NCKAP5: variants seen among roughly 807,000 people sequenced by gnomAD.
NCKAP5 encodes nck-associated protein 5.
NCKAP5 carries 92 observed loss-of-function variants against 167.0 expected under a neutral mutation model. That is an observed-to-expected ratio of 0.55 (90% CI 0.47 to 0.66). The LOEUF is 0.66. NCKAP5 is among the 30% of genes least tolerant of loss of function. NCKAP5 has a pLI of 0.00. For synonymous variants in NCKAP5, 891 were observed against 877.4 expected, an observed-to-expected ratio of 1.02 and a Z score of -0.27; for missense variants, 2,378 against 2,315.0, an observed-to-expected ratio of 1.03 and a Z score of -0.56.
the NCKAP5 span, among the ~76,000 whole-genome samples, chr2:133,597,561 C>T: frequency 6.7e-6 from 1 of 149,198 alleles, no homozygotes. Flanking sequence ...CCCAGCTACT[C>T]GGGAGGCTGA....
intron 4 of NCKAP5, among the ~76,000 whole-genome samples, chr2:133,222,984 G>A (rs2086719761): frequency 6.6e-6 from 1 of 152,098 alleles, no homozygotes; most frequent in Non-Finnish European, 1.5e-5. Flanking sequence ...CCATTTTAAT[G>A]TGAATCAATG....
chr2:133,590,541 A>G, the NCKAP5 span, among the ~76,000 whole-genome samples: 355 of 151,338 alleles, frequency 2.3e-3, 1 homozygote, highest in Non-Finnish European at 4.0e-3. Context: ...AAAAAAAAAA[A>G]AAAAGAAAGT....
intron 5 of NCKAP5, among the ~76,000 whole-genome samples, chr2:133,163,142 A>G (rs564830224): frequency 6.6e-6 from 1 of 152,346 alleles, no homozygotes; most frequent in South Asian, 2.1e-4. Context: ...CACCCCAAAC[A>G]GTACTTTGAC....
At position 133,312,301 on chromosome 2, in the gene NCKAP5, G is replaced by A. The variant is rs543693795; in HGVS notation, c.70-9191C>T. ...TAATGCCGATCAGACTATGAGTACA[G>A]CTTAGCAGATCTTCAGAGTAAAACA... On this transcript the variant is annotated intron_variant, in intron 3 of 19. Transcript: ENST00000409261. Among the ~76,000 whole-genome samples, 12 of 152,280 alleles carry A rather than the reference G, an allele frequency of 7.9e-5. No individual in the cohort carries two copies. The South Asian group carries it at 2.1e-3, about 26-fold the overall frequency.
intron 6 of NCKAP5, among the ~76,000 whole-genome samples, chr2:133,073,865 A>T (rs139569834): frequency 6.6e-6 from 1 of 152,160 alleles, no homozygotes; most frequent in African/African-American, 2.4e-5. Flanking sequence ...TCATTTCAGG[A>T]CTGGTTGCTG....
At chr2:133,076,338 C>T (rs1191126846) in intron 6 of NCKAP5, among the ~76,000 whole-genome samples, 2 of 152,120 alleles carry the variant, frequency 1.3e-5, no homozygotes, top group African/African-American at 4.8e-5. Context: ...AGGACTTGAG[C>T]ATCCAAGAAT....
rs752772984 is a variant in NCKAP5 at position 132,790,129 on chromosome 2, C to T, written c.986G>A (p.Arg329Gln). 7.4e-6 allele frequency: 12 copies of T among 1,613,554 alleles called. No individual in the cohort carries two copies. Among genetic ancestry groups the T allele is most frequent in the South Asian group, 6.6e-5 (6 of 90,986 alleles). ...GAVIPGHLCP[R>Q]NSYSSSSELS... ...TTCACTGCTGCTACTGTAGCTGTTT[C>T]GAGGACAGAGATGACCAGGGATGAC... is the stretch of plus-strand genomic sequence containing the variant. Residue 329 changes from arginine (R) to glutamine (Q), a missense_variant, in exon 13 of 20, where the codon CGA (arginine) becomes CAA (glutamine). Around this residue, in one of 3 missense-constraint regions of NCKAP5, gnomAD observed 1,049 missense variants for 1,023.4 expected, o/e 1.02. Transcript: ENST00000409261.
intron 3 of NCKAP5, among the ~76,000 whole-genome samples, chr2:133,422,979 C>G (rs151081520): frequency 1.3e-5 from 2 of 152,186 alleles, no homozygotes; most frequent in South Asian, 4.2e-4. Context: ...GAGGCTGCCA[C>G]GGAAAGTCCC....
intron 5 of NCKAP5, among the ~76,000 whole-genome samples, chr2:133,205,550 G>C (rs2150139251): frequency 6.6e-6 from 1 of 152,154 alleles, no homozygotes; most frequent in African/African-American, 2.4e-5. Flanking sequence ...CAAGTGTAGT[G>C]GGACACCATA....
At chr2:133,391,317 C>T in intron 3 of NCKAP5, 1 of 160,048 alleles carries the variant, frequency 6.2e-6, no homozygotes. Flanking sequence ...GAAGGAGACA[C>T]CTGCCTAGGC....
At chr2:133,050,524 G>C (rs1047041298) in intron 6 of NCKAP5, among the ~76,000 whole-genome samples, 3 of 152,148 alleles carry the variant, frequency 2.0e-5, no homozygotes, top group Admixed American at 2.0e-4. Context: ...ACCATGAAAA[G>C]ATGATAACAC....
chr2:133,160,408 C>CTTTTTTTTTTTTTTTTTTTTTTTT (rs59557631), intron 5 of NCKAP5, among the ~76,000 whole-genome samples: 1 of 121,152 alleles, frequency 8.3e-6, no homozygotes, highest in African/African-American at 3.3e-5. Flanking sequence ...AGGTCACATT[C>CTTTTTTTTTTTTTTTTTTTTTTTT]TTTTTTTTTT....
chr2:133,359,502 A>AT (rs1486231922), intron 3 of NCKAP5, among the ~76,000 whole-genome samples: 6 of 152,160 alleles, frequency 3.9e-5, no homozygotes, highest in Non-Finnish European at 8.8e-5. Flanking sequence ...TCAAGAATCC[A>AT]TTTTTTTGCC....
In NCKAP5 at chr2:133,111,871, C is replaced by T. The variant is rs557388103; in HGVS notation, c.341+18107G>A. Among the ~76,000 whole-genome samples, 4 of 152,226 alleles carry T rather than the reference C, an allele frequency of 2.6e-5. No homozygotes were observed. The South Asian group carries it at 8.3e-4, about 32-fold the overall frequency. The stretch of plus-strand genomic sequence containing the variant: ...AAGATAAATTAGTGGAAAAAAATCA[C>T]TTGAAACTTTCACTCTAGGAAGAAA... On this transcript the variant is annotated intron_variant, in intron 6 of 19. Transcript: ENST00000409261.
intron 8 of NCKAP5, among the ~76,000 whole-genome samples, chr2:132,907,592 A>G (rs894290292): frequency 7.6e-5 from 10 of 131,558 alleles, no homozygotes; most frequent in South Asian, 6.8e-4. Context: ...CTCATAATCA[A>G]GGCTCTTACC....
At chr2:133,132,068 T>A (rs996716139) in intron 5 of NCKAP5, among the ~76,000 whole-genome samples, 14 of 151,936 alleles carry the variant, frequency 9.2e-5, no homozygotes, top group African/African-American at 2.9e-4. Flanking sequence ...CACGGGTGGA[T>A]CACGAGGTCA....
Position 132,697,867 on chromosome 2 carries a change from A to G in NCKAP5, c.5714-24562T>C, listed in dbSNP as rs527653274. Among the ~76,000 whole-genome samples the G allele has an allele frequency of 5.4e-4, 82 of 152,256 alleles. 1 individual carries two copies. Among genetic ancestry groups the G allele is most frequent in the Middle Eastern group, 3.4e-3 (1 of 294 alleles). The stretch of plus-strand genomic sequence containing the variant: ...GGGAAAACGTTTTTCTTCCCATCAA[A>G]CTTTCACTTTTTCTTCTTTAAAATA... On this transcript the variant is annotated intron_variant, in intron 19 of 19. Transcript: ENST00000409261.
intron 8 of NCKAP5, among the ~76,000 whole-genome samples, chr2:132,910,290 A>T (rs951053036): frequency 3.9e-5 from 6 of 152,114 alleles, no homozygotes; most frequent in South Asian, 2.1e-4. Context: ...TCTAATATTT[A>T]AAAATGTACA....
chr2:133,519,036 A>G (rs1394502015), intron 2 of NCKAP5, among the ~76,000 whole-genome samples: 3 of 152,316 alleles, frequency 2.0e-5, no homozygotes, highest in African/African-American at 7.2e-5. Flanking sequence ...ACAACTCTCA[A>G]TTGCTCCAAG....
Sources: gnomAD v4.1 joint callset for allele counts (sites outside exome capture counted in the v4.1 genomes callset) on GRCh38, gnomAD v4.1.1 for gene constraint, gnomAD v4.1.1 regional missense constraint, MANE v1.5 for transcripts, NCBI Gene and HGNC (gene_info 2026-07-23, HGNC 2026-07-21) for gene names.